PCDHA1: variants seen among roughly 807,000 people sequenced by gnomAD.
PCDHA1 encodes protocadherin alpha-1.
Under a neutral mutation model 61.3 loss-of-function variants are expected in PCDHA1, and 42 were observed. The ratio of observed to expected loss-of-function variants is 0.69; its 90% CI spans 0.54 to 0.89. The LOEUF is 0.89. Ranked by LOEUF, PCDHA1 falls within the 40% of genes least tolerant of loss-of-function variation. The pLI, the probability that PCDHA1 is intolerant of heterozygous loss-of-function variation, is 0.00. For missense variants in PCDHA1, 1,256 were observed against 1,235.3 expected (o/e 1.02, Z -0.25); for synonymous variants, 610 against 553.8 (o/e 1.10, Z -1.43).
chr5:140,842,755 T>A, intron 1 of PCDHA1: 1 of 1,594,888 alleles, frequency 6.3e-7, no homozygotes, highest in Non-Finnish European at 8.6e-7. Context: ...TCACGGTGTC[T>A]GCGCGAGACG....
chr5:140,833,968 A>T (rs1772743060), intron 1 of PCDHA1, among the ~76,000 whole-genome samples: 1 of 152,214 alleles, frequency 6.6e-6, no homozygotes, highest in African/African-American at 2.4e-5. Context: ...ACTGTGTGAA[A>T]AAAAAGTTTT....
Position 140,871,256 on chromosome 5 carries a change from C to T in PCDHA1, c.2394+82572C>T, listed in dbSNP as rs781990448. ...CTGGTACTCACGCTGCTGCTGTATA[C>T]GGCGCTGTGGTGGTCGGCAACGCCC... On this transcript the variant is annotated intron_variant, in intron 1 of 3. Coordinates refer to ENST00000504120, the MANE Select transcript of PCDHA1 (RefSeq NM_018900.4). The T allele has an allele frequency of 4.3e-6, 7 of 1,613,866 alleles. No individual in the cohort carries two copies. Among genetic ancestry groups the T allele is most frequent in the East Asian group, 2.2e-5 (1 of 44,888 alleles).
chr5:140,882,032 T>C (rs2058914811), intron 1 of PCDHA1: 2 of 623,536 alleles, frequency 3.2e-6, no homozygotes, highest in Non-Finnish European at 5.1e-6. Flanking sequence ...ATGGAAAATA[T>C]GAAGACTGAG....
chr5:140,794,963 T>C, intron 1 of PCDHA1: 1 of 1,606,308 alleles, frequency 6.2e-7, no homozygotes, highest in South Asian at 1.1e-5. Context: ...TGAGGATTGG[T>C]AATGGCGTCT....
In PCDHA1 at chr5:140,787,645, C is replaced by A. The variant is rs1371109307; in HGVS notation, c.1355C>A (p.Ala452Glu). 7 of 1,613,910 alleles carry A rather than the reference C, an allele frequency of 4.3e-6. No homozygotes were observed. The highest frequency in any genetic ancestry group is 5.9e-6 in the Non-Finnish European group (7 of 1,179,982). The change falls in exon 1 of 4, where the codon GCG (alanine) becomes GAG (glutamate). Residue 452 changes from alanine (A) to glutamate (E), a missense_variant. Physicochemically the swap from Ala to Glu is moderately radical, Grantham distance 107 (BLOSUM62 -1). Coordinates refer to ENST00000504120, the MANE Select transcript of PCDHA1 (RefSeq NM_018900.4). ...GAGGTGGCCGACGTGAATGACAACG[C>A]GCCTGCGTTCGCGCAGCCCGAGTAC... The part of the protein sequence containing the change: ...SVEVADVNDN[A>E]PAFAQPEYTV...
chr5:140,857,010 T>C (rs782647115), intron 1 of PCDHA1: 1 of 1,595,968 alleles, frequency 6.3e-7, no homozygotes, highest in South Asian at 1.1e-5. Context: ...CATGTAGATG[T>C]TACAGATAAG....
chr5:140,843,424 C>A (rs1266105482), intron 1 of PCDHA1: 2 of 1,596,008 alleles, frequency 1.3e-6, no homozygotes, highest in Non-Finnish European at 1.7e-6. Flanking sequence ...TGTACCTGAT[C>A]ATCGCCATCT....
intron 1 of PCDHA1, chr5:140,822,858 C>A: frequency 6.2e-7 from 1 of 1,614,208 alleles, no homozygotes; most frequent in Non-Finnish European, 8.5e-7. Flanking sequence ...TCAAAGAGGA[C>A]GCTCCACTCA....
intron 1 of PCDHA1, among the ~76,000 whole-genome samples, chr5:140,898,545 C>CCG (rs2153461002): frequency 1.3e-5 from 2 of 152,322 alleles, no homozygotes; most frequent in East Asian, 3.9e-4. Context: ...TTCCATTTAT[C>CCG]TATGTCTCTG....
intron 1 of PCDHA1, chr5:140,869,391 C>T: frequency 6.2e-7 from 1 of 1,614,138 alleles, no homozygotes; most frequent in Non-Finnish European, 8.5e-7. Flanking sequence ...AGGAGCTGTG[C>T]GGGCAGAGCG....
intron 1 of PCDHA1, among the ~76,000 whole-genome samples, chr5:140,960,271 CA>C (rs1193468231): frequency 2.0e-5 from 3 of 152,182 alleles, no homozygotes; most frequent in Non-Finnish European, 4.4e-5. Flanking sequence ...TAAATTCCGT[CA>C]CCTTTTTGGG....
At chr5:140,927,638 G>C (rs781909639) in intron 1 of PCDHA1, 1 of 1,614,024 alleles carries the variant, frequency 6.2e-7, no homozygotes, top group Admixed American at 1.7e-5. Flanking sequence ...GCACCCAATG[G>C]GACTGTGTTA....
rs142866496 is a variant in PCDHA1, at chr5:140,917,224, G to A, written c.2395-61725G>A. Among the ~76,000 whole-genome samples, 29 of 151,040 alleles carry A rather than the reference G, an allele frequency of 1.9e-4. No homozygotes were observed. In the East Asian group the frequency reaches 2.2e-3, roughly 11 times the overall value. ...TCTTCAATGCCTCTTTTAGTGATAC[G>A]TTGTTAAATCTAGGTACTACGATTG... On this transcript the variant is annotated intron_variant, in intron 1 of 3. Transcript: ENST00000504120.
At chr5:140,794,694 T>C (rs1166139877) in intron 1 of PCDHA1, among the ~76,000 whole-genome samples, 1 of 152,188 alleles carries the variant, frequency 6.6e-6, no homozygotes, top group Non-Finnish European at 1.5e-5. Context: ...AAAATAGTTA[T>C]TTTTTTCCAA....
At chr5:141,007,000 G>A (rs2098298646) in intron 3 of PCDHA1, among the ~76,000 whole-genome samples, 1 of 152,128 alleles carries the variant, frequency 6.6e-6, no homozygotes, top group South Asian at 2.1e-4. Flanking sequence ...ATATAAGTCT[G>A]CATCTCATCA....
At chr5:140,875,875 G>T in intron 1 of PCDHA1, 1 of 1,614,232 alleles carries the variant, frequency 6.2e-7, no homozygotes, top group South Asian at 1.1e-5. Flanking sequence ...GGTGTTCAGA[G>T]AAAGGGAACA....
chr5:140,836,323 T>C (rs2150257810), intron 1 of PCDHA1: 1 of 1,613,710 alleles, frequency 6.2e-7, no homozygotes, highest in South Asian at 1.1e-5. Context: ...CGCCACCGCC[T>C]TCTGGTGCTT....
Position 140,860,053 on chromosome 5 carries a change from C to T in PCDHA1, c.2394+71369C>T, listed in dbSNP as rs186329592. The T allele has an allele frequency of 6.0e-5, 9 of 150,766 alleles. No individual in the cohort carries two copies. In the East Asian group the frequency reaches 1.6e-3, roughly 26 times the overall value. 9.3% of individuals were successfully genotyped at this position (150,766 alleles called of 1,614,324 possible). A position where few individuals can be genotyped will look rare whatever the true frequency, so the allele number is the denominator to read the frequency against. ...CCTGTAATCCCAGCATTTTGAGAGGCCAAGGTGGGAGGATGGTTTGAGGCC... is the reference window on the plus strand; with the variant it reads ...CCTGTAATCCCAGCATTTTGAGAGGTCAAGGTGGGAGGATGGTTTGAGGCC... On this transcript the variant is annotated intron_variant, in intron 1 of 3. Transcript: ENST00000504120.
chr5:140,884,204 C>A (rs1410511984), intron 1 of PCDHA1: 1 of 1,613,382 alleles, frequency 6.2e-7, no homozygotes, highest in Non-Finnish European at 8.5e-7. Flanking sequence ...GCCGCACCAC[C>A]GCCTTCTGGT....
Sources: gnomAD v4.1 joint callset for allele counts (sites outside exome capture counted in the v4.1 genomes callset) on GRCh38, gnomAD v4.1.1 for gene constraint, MANE v1.5 for transcripts, NCBI Gene and HGNC (gene_info 2026-07-23, HGNC 2026-07-21) for gene names.